Variants in GPR89A observed in about 807,000 individuals in gnomAD.
GPR89A encodes the protein G protein-coupled receptor 89A.
A neutral mutation model predicts 52.0 loss-of-function variants in GPR89A; 16 were observed. The observed-to-expected ratio is 0.31, with a 90% CI of 0.21 to 0.47. GPR89A has a LOEUF of 0.47. GPR89A is among the 20% of genes least tolerant of loss of function. The probability of loss-of-function intolerance (pLI) is 1.00; values close to 1 mark genes in which losing one functional copy is unlikely to be tolerated. For synonymous variants in GPR89A, 55 were observed against 150.9 expected (o/e 0.36, Z 4.66); for missense variants, 135 against 449.4 (o/e 0.30, Z 6.33).
chr1:145,614,887 A>G (rs1396615371), intron 1 of GPR89A, among the ~76,000 whole-genome samples: 1 of 152,028 alleles, frequency 6.6e-6, no homozygotes, highest in Non-Finnish European at 1.5e-5. Context: ...AAGAAGTTCC[A>G]GGGGGCTGAA....
At chr1:145,666,478 A>C (rs587755464) in intron 12 of GPR89A, among the ~76,000 whole-genome samples, 4 of 152,278 alleles carry the variant, frequency 2.6e-5, no homozygotes, top group African/African-American at 9.6e-5. Flanking sequence ...GTTTTGTTAT[A>C]CATCATTTCA....
chr1:145,660,777 A>T (rs1652139071), intron 10 of GPR89A, among the ~76,000 whole-genome samples: 1 of 151,734 alleles, frequency 6.6e-6, no homozygotes, highest in African/African-American at 2.4e-5. Flanking sequence ...CACCAGTTAG[A>T]ATGGCAATCA....
At chr1:145,635,775 A>G (rs1306267019) in intron 7 of GPR89A, among the ~76,000 whole-genome samples, 2 of 152,200 alleles carry the variant, frequency 1.3e-5, no homozygotes, top group Admixed American at 1.3e-4. Context: ...CCTGGCCAAC[A>G]TGGCAAAACC....
In GPR89A at chr1:145,608,153, C is replaced by G. The variant is rs199540831; in HGVS notation, c.20C>G (p.Ser7Cys). 7.7e-5 allele frequency: 125 copies of G among 1,613,708 alleles called. No homozygotes were observed. The East Asian group carries it at 2.7e-3, about 35-fold the overall frequency. The change falls in exon 1 of 14, where the codon TCC (serine) becomes TGC (cysteine). Residue 7 changes from serine to cysteine, a missense_variant. Around this residue, in one of 10 missense-constraint regions of GPR89A, gnomAD observed 38 missense variants for 40.2 expected, o/e 0.95. Coordinates refer to ENST00000313835, the MANE Select transcript of GPR89A (RefSeq NM_001097612.2). ...TTCGCCATGAGTTTCCTCATCGACTCCAGCATCATGATTACCTCCCAGGTG... is the reference window on the plus strand; with the variant it reads ...TTCGCCATGAGTTTCCTCATCGACTGCAGCATCATGATTACCTCCCAGGTG... MSFLID[S>C]SIMITSQILF...
chr1:145,639,041 T>TA (rs1227843089), intron 7 of GPR89A, among the ~76,000 whole-genome samples: 1 of 150,754 alleles, frequency 6.6e-6, no homozygotes, highest in Non-Finnish European at 1.5e-5. Context: ...ATACACTACT[T>TA]ACAATCACTC....
intron 7 of GPR89A, among the ~76,000 whole-genome samples, chr1:145,634,877 G>T (rs1650114252): frequency 1.3e-5 from 2 of 151,978 alleles, no homozygotes; most frequent in Admixed American, 6.6e-5. Context: ...AGAAAACCTA[G>T]TTTACGCCAG....
chr1:145,658,343 G>A (rs1362160582), intron 10 of GPR89A, among the ~76,000 whole-genome samples: 2 of 146,516 alleles, frequency 1.4e-5, no homozygotes, highest in Non-Finnish European at 3.0e-5. Context: ...AGTGGCAGAT[G>A]CCTGTAATCC....
rs1357080316 is a variant in GPR89A, at chr1:145,646,760, T to A, written c.817-415T>A. 1.4e-5 allele frequency: 3 copies of A among 218,034 alleles called. No homozygotes were observed. The East Asian group carries it at 4.0e-4, about 29-fold the overall frequency. 13.5% of individuals were successfully genotyped at this position (218,034 alleles called of 1,614,324 possible). On this transcript the variant is annotated intron_variant, in intron 9 of 13. Coordinates refer to ENST00000313835, the MANE Select transcript of GPR89A (RefSeq NM_001097612.2). ...AAATCTGTTAGTGAAGATTACAAAC[T>A]TTTAATTCTTTTTGAGGATAACTTT...
chr1:145,616,386 G>C, intron 2 of GPR89A, 93 bp downstream of exon 2: 2 of 972,330 alleles, frequency 2.1e-6, no homozygotes, highest in Non-Finnish European at 3.2e-6. Context: ...TCATTTCCAA[G>C]ATAGGAAGCT....
intron 2 of GPR89A, 46 bp downstream of exon 2, chr1:145,616,339 T>C (rs1253751803): frequency 6.5e-7 from 1 of 1,531,654 alleles, no homozygotes; most frequent in South Asian, 1.2e-5. Flanking sequence ...TGATTTAGAT[T>C]GACAAGAAAA....
At chr1:145,609,172 TTCTC>T (rs1648069914) in intron 1 of GPR89A, among the ~76,000 whole-genome samples, 1 of 152,232 alleles carries the variant, frequency 6.6e-6, no homozygotes, top group Non-Finnish European at 1.5e-5. Flanking sequence ...TACTTGTTCT[TTCTC>T]TCAAACGGCA....
At chr1:145,628,809 G>A (rs587686056) in intron 5 of GPR89A, among the ~76,000 whole-genome samples, 1 of 152,324 alleles carries the variant, frequency 6.6e-6, no homozygotes, top group East Asian at 1.9e-4. Context: ...TGGAGGTGAA[G>A]AAAAGGTGAC....
chr1:145,637,816 A>G (rs1280417270), intron 7 of GPR89A, among the ~76,000 whole-genome samples: 8 of 152,362 alleles, frequency 5.3e-5, no homozygotes, highest in African/African-American at 9.6e-5. Flanking sequence ...CTACAGTAAC[A>G]GAAATAAAAA....
chr1:145,609,119 C>T (rs1195432808), intron 1 of GPR89A, among the ~76,000 whole-genome samples: 1 of 152,132 alleles, frequency 6.6e-6, no homozygotes, highest in East Asian at 1.9e-4. Context: ...ACCTTCTTCC[C>T]CCCATCTTTC....
Position 145,637,752 on chromosome 1 carries a change from C to A in GPR89A, c.617+6008C>A, listed in dbSNP as rs1650347188. On this transcript the variant is annotated intron_variant, in intron 7 of 13. Transcript: ENST00000313835. Reference sequence around the variant, plus strand: ...TACAAGTGAAAAGAGAGAATCCCAACAAAGAAATGGAAACTTTTAAAAAAC... The same window carrying A: ...TACAAGTGAAAAGAGAGAATCCCAAAAAAGAAATGGAAACTTTTAAAAAAC... Among the ~76,000 whole-genome samples, 3 of 152,234 alleles carry A rather than the reference C, an allele frequency of 2.0e-5. 1 individual carries two copies. The highest frequency in any genetic ancestry group is 6.8e-3 in the Middle Eastern group (2 of 294).
intron 7 of GPR89A, among the ~76,000 whole-genome samples, chr1:145,632,739 T>C (rs1249716632): frequency 6.6e-6 from 1 of 152,212 alleles, no homozygotes; most frequent in African/African-American, 2.4e-5. Flanking sequence ...ATTTTACTGA[T>C]TTCAGATCTT....
intron 10 of GPR89A, among the ~76,000 whole-genome samples, chr1:145,647,869 CTCTCTCTCTCTATATA>C (rs1651146842): frequency 1.2e-4 from 11 of 88,428 alleles, no homozygotes; most frequent in African/African-American, 4.2e-4. Flanking sequence ...CTCTCTCTCT[CTCTCTCTCTCTATATA>C]TATATATATA....
chr1:145,647,873 CTCTCTCTATATATATATA>C (rs1651149792), intron 10 of GPR89A, among the ~76,000 whole-genome samples: 15 of 80,662 alleles, frequency 1.9e-4, no homozygotes, highest in Non-Finnish European at 2.9e-4. Context: ...CTCTCTCTCT[CTCTCTCTATATATATATA>C]TATATATATA....
At chr1:145,635,833 C>T (rs1450125038) in intron 7 of GPR89A, among the ~76,000 whole-genome samples, 1 of 152,184 alleles carries the variant, frequency 6.6e-6, no homozygotes, top group Non-Finnish European at 1.5e-5. Context: ...GTGGTGCATG[C>T]CTGTAATCCC....
Sources: allele counts gnomAD v4.1 joint callset (sites outside exome capture counted in the v4.1 genomes callset), GRCh38; gene constraint gnomAD v4.1.1; regional missense constraint gnomAD v4.1.1; transcripts MANE v1.5; gene names NCBI Gene and HGNC (gene_info 2026-07-23, HGNC 2026-07-21).